Variants in ADCY5 observed in about 807,000 individuals in gnomAD.
ADCY5 encodes the protein adenylate cyclase type 5.
Under a neutral mutation model 119.7 loss-of-function variants are expected in ADCY5, and 30 were observed. The ratio of observed to expected loss-of-function variants is 0.25; its 90% CI spans 0.19 to 0.34. ADCY5 has a LOEUF of 0.34. Ranked by LOEUF, ADCY5 falls within the 10% of genes least tolerant of loss-of-function variation. The pLI, the probability that ADCY5 is intolerant of heterozygous loss-of-function variation, is 1.00. For synonymous variants in ADCY5, 753 were observed against 762.2 expected (o/e 0.99, Z 0.20); for missense variants, 1,324 against 1,775.2 (o/e 0.75, Z 4.57).
chr3:123,296,361 C>T (rs533884895), intron 16 of ADCY5, 145 bp from the exon 17 acceptor site: 21 of 972,690 alleles, frequency 2.2e-5, no homozygotes, highest in Non-Finnish European at 2.8e-5. Flanking sequence ...CAAACTTTGC[C>T]GCACGCGTGC....
chr3:123,425,527 A>T (rs1945388416), intron 1 of ADCY5, among the ~76,000 whole-genome samples: 1 of 152,216 alleles, frequency 6.6e-6, no homozygotes, highest in African/African-American at 2.4e-5. Flanking sequence ...CATCTGGAAG[A>T]AGCAGCTGTA....
chr3:123,303,429 G>A (rs1939976644), intron 13 of ADCY5, among the ~76,000 whole-genome samples: 1 of 151,926 alleles, frequency 6.6e-6, no homozygotes, highest in South Asian at 2.1e-4. Context: ...TGCCCTCCCA[G>A]GGAGGGGTTC....
At chr3:123,387,121 C>T (rs938982827) in intron 1 of ADCY5, among the ~76,000 whole-genome samples, 7 of 152,122 alleles carry the variant, frequency 4.6e-5, no homozygotes, top group African/African-American at 1.7e-4. Flanking sequence ...ATCAATGGTA[C>T]AAATATAACA....
At position 123,320,786 on chromosome 3, in the gene ADCY5, T is replaced by TAGAAAG; in HGVS notation, c.2089-21_2089-16dup. 6.3e-7 allele frequency: 1 copy of TAGAAAG among 1,582,518 alleles called. No homozygotes were observed. The highest frequency in any genetic ancestry group is 8.7e-7 in the Non-Finnish European group (1 of 1,153,386). On this transcript the variant is annotated splice_polypyrimidine_tract_variant and intron_variant, in intron 8 of 20. Transcript: ENST00000462833. ...TCTTCAAAGCCCTAGAAGAGAAGGA[T>TAGAAAG]AGAAAGAGAAAGAGAAGAGAATGAG...
At chr3:123,405,239 G>A (rs1944870004) in intron 1 of ADCY5, among the ~76,000 whole-genome samples, 1 of 152,244 alleles carries the variant, frequency 6.6e-6, no homozygotes, top group African/African-American at 2.4e-5. Context: ...TTCATGCCAA[G>A]GGACTCCAGC....
chr3:123,433,829 A>G (rs895746575), intron 1 of ADCY5, among the ~76,000 whole-genome samples: 1 of 152,120 alleles, frequency 6.6e-6, no homozygotes, highest in Non-Finnish European at 1.5e-5. Flanking sequence ...AGAGCTGAGC[A>G]GTTGTAACAT....
chr3:123,415,682 A>C (rs115915893), intron 1 of ADCY5, among the ~76,000 whole-genome samples: 3 of 152,286 alleles, frequency 2.0e-5, no homozygotes, highest in African/African-American at 7.2e-5. Context: ...CTCTGGGTCT[A>C]ATCTGGTGCG....
intron 1 of ADCY5, among the ~76,000 whole-genome samples, chr3:123,409,878 G>A (rs1204748739): frequency 3.9e-5 from 6 of 152,240 alleles, no homozygotes; most frequent in Non-Finnish European, 8.8e-5. Flanking sequence ...CCTGTGGTTA[G>A]AGGAGCTAAT....
At position 123,314,247 on chromosome 3, in the gene ADCY5, G is replaced by A. The variant is rs763048283; in HGVS notation, c.2430C>T (p.Tyr810=). The A allele has an allele frequency of 9.9e-6, 16 of 1,612,796 alleles. No individual in the cohort carries two copies. The Admixed American group carries it at 1.2e-4, about 12-fold the overall frequency. The change falls in exon 12 of 21, where the codon TAC becomes TAT. Residue 810 remains tyrosine, a synonymous_variant. Coordinates refer to ENST00000462833, the MANE Select transcript of ADCY5 (RefSeq NM_183357.3). ...LTLVVFVSVI[Y]SCVKLFPSPL... ...CAGCTACACTCACCTTTACGCAGGA[G>A]TAGATCACAGACACAAACACCACCA...
chr3:123,408,792 A>G (rs1453639498), intron 1 of ADCY5, among the ~76,000 whole-genome samples: 1 of 152,144 alleles, frequency 6.6e-6, no homozygotes, highest in Non-Finnish European at 1.5e-5. Context: ...CCTGGCCAAC[A>G]TGGTGAAACC....
intron 19 of ADCY5, among the ~76,000 whole-genome samples, chr3:123,289,239 G>T (rs4677880): frequency 0.48 from 73,639 of 152,076 alleles, 18,221 homozygotes; most frequent in East Asian, 0.7. Context: ...TTTATACATT[G>T]TGTATTTAAA....
intron 12 of ADCY5, among the ~76,000 whole-genome samples, chr3:123,308,070 G>A (rs1940303995): frequency 8.7e-6 from 1 of 114,620 alleles, no homozygotes; most frequent in Admixed American, 1.4e-4. Flanking sequence ...GTCTCGCTCT[G>A]TCGCCCAGGC....
intron 1 of ADCY5, among the ~76,000 whole-genome samples, chr3:123,397,992 G>T (rs1291917787): frequency 2.0e-5 from 3 of 152,170 alleles, no homozygotes; most frequent in African/African-American, 7.2e-5. Flanking sequence ...CCCTCCTGTT[G>T]AAAAGTCTAC....
At chr3:123,405,667 CT>C (rs1331405566) in intron 1 of ADCY5, among the ~76,000 whole-genome samples, 3 of 152,152 alleles carry the variant, frequency 2.0e-5, no homozygotes, top group African/African-American at 7.2e-5. Flanking sequence ...CAGAGGCTCG[CT>C]TTGTCGTCCA....
chr3:123,402,695 A>C (rs1341628135), intron 1 of ADCY5, among the ~76,000 whole-genome samples: 2 of 151,360 alleles, frequency 1.3e-5, no homozygotes, highest in Non-Finnish European at 3.0e-5. Context: ...CTAAAAATAC[A>C]AAAAAAAATT....
At chr3:123,414,508 A>G (rs976782406) in intron 1 of ADCY5, among the ~76,000 whole-genome samples, 2 of 152,118 alleles carry the variant, frequency 1.3e-5, no homozygotes, top group South Asian at 2.1e-4. Flanking sequence ...CTCAGGGGAG[A>G]GAAAGCAGCA....
Position 123,448,467 on chromosome 3 carries a change from C to A in ADCY5, c.79G>T (p.Glu27Ter). Residue 27 changes from glutamate (E) to a stop codon, truncating the protein, a stop_gained, in exon 1 of 21, where the codon GAA (glutamate) becomes TAA (stop). Coordinates refer to ENST00000462833, the MANE Select transcript of ADCY5 (RefSeq NM_183357.3). LOFTEE classifies it high-confidence loss of function. Reference protein sequence around the residue: ...TAAPAPRGGPEHRSAWGEADS... With the variant: ...TAAPAPRGGP ...GCCTCGCCCCACGCAGAGCGGTGTT[C>A]GGGGCCTCCCCGGGGCGCCGGCGCC... 7.8e-7 allele frequency: 1 copy of A among 1,275,774 alleles called. No homozygotes were observed. The highest frequency in any genetic ancestry group is 9.9e-7 in the Non-Finnish European group (1 of 1,012,772). 79.0% of individuals were successfully genotyped at this position (1,275,774 alleles called of 1,614,324 possible). A position where few individuals can be genotyped will look rare whatever the true frequency, so the allele number is the denominator to read the frequency against.
chr3:123,341,803 CAG>C (rs757988497), intron 3 of ADCY5, among the ~76,000 whole-genome samples: 1 of 152,032 alleles, frequency 6.6e-6, no homozygotes, highest in Non-Finnish European at 1.5e-5. Flanking sequence ...GGAGCAGAGA[CAG>C]TGTCTTTTTC....
chr3:123,341,662 T>G (rs1162426361), intron 3 of ADCY5, among the ~76,000 whole-genome samples: 5 of 152,066 alleles, frequency 3.3e-5, no homozygotes. Context: ...TTATCACAAC[T>G]AAAATAATCC....
Sources: gnomAD v4.1 joint callset for allele counts (sites outside exome capture counted in the v4.1 genomes callset) on GRCh38, gnomAD v4.1.1 for gene constraint, MANE v1.5 for transcripts, NCBI Gene and HGNC (gene_info 2026-07-23, HGNC 2026-07-21) for gene names.